The following COL5A2 variants were observed in gnomAD, a reference collection of about 807,000 sequenced individuals.
COL5A2 encodes the protein collagen alpha-2(V) chain.
In COL5A2, 23 loss-of-function variants were observed where a neutral mutation model predicts 208.2. The ratio of observed to expected loss-of-function variants is 0.11; its 90% CI spans 0.08 to 0.16. COL5A2 has a LOEUF of 0.16. Among genes scored for constraint, COL5A2 ranks in the 10% least tolerant of loss-of-function variants. The pLI, the probability that COL5A2 is intolerant of heterozygous loss-of-function variation, is 1.00. For synonymous variants in COL5A2, 625 were observed against 628.5 expected (o/e 0.99, Z 0.08); for missense variants, 1,590 against 1,956.4 (o/e 0.81, Z 3.53).
the COL5A2 span, among the ~76,000 whole-genome samples, chr2:189,362,008 C>T: frequency 9.2e-5 from 14 of 152,010 alleles, no homozygotes; most frequent in African/African-American, 3.4e-4. Context: ...AATAATTTTG[C>T]CTTTTATTCT....
intron 5 of COL5A2, among the ~76,000 whole-genome samples, chr2:189,098,115 A>G (rs1471689353): frequency 6.6e-6 from 1 of 151,894 alleles, no homozygotes; most frequent in Non-Finnish European, 1.5e-5. Flanking sequence ...TGAAGATTAT[A>G]TTGTGTATTT....
chr2:189,071,701 T>A (rs900172446), intron 18 of COL5A2, among the ~76,000 whole-genome samples: 27 of 152,312 alleles, frequency 1.8e-4, no homozygotes, highest in African/African-American at 6.3e-4. Flanking sequence ...TACTTCCAGG[T>A]ACTCTATTCA....
chr2:189,321,233 C>T, the COL5A2 span, among the ~76,000 whole-genome samples: 22 of 152,288 alleles, frequency 1.4e-4, no homozygotes, highest in East Asian at 1.7e-3. Context: ...TAAAGACCAT[C>T]GATGCTAGGA....
At chr2:189,388,860 C>T in the COL5A2 span, among the ~76,000 whole-genome samples, 1 of 152,052 alleles carries the variant, frequency 6.6e-6, no homozygotes, top group Non-Finnish European at 1.5e-5. Flanking sequence ...ATTTTCTAAG[C>T]ACATTTTATG....
At chr2:189,157,981 AG>A (rs1468759183) in intron 1 of COL5A2, among the ~76,000 whole-genome samples, 1 of 151,972 alleles carries the variant, frequency 6.6e-6, no homozygotes, top group Non-Finnish European at 1.5e-5. Flanking sequence ...CAATGAAGGT[AG>A]AGACTGTGTC....
chr2:189,353,782 C>A, the COL5A2 span, among the ~76,000 whole-genome samples: 1 of 151,900 alleles, frequency 6.6e-6, no homozygotes, highest in African/African-American at 2.4e-5. Flanking sequence ...CCGTTTTTTT[C>A]TTTCTATTGC....
chr2:189,048,218 A>C lies in COL5A2; in HGVS notation c.3192T>G (p.Val1064=). 1.9e-6 allele frequency: 3 copies of C among 1,614,030 alleles called. No homozygotes were observed. Among genetic ancestry groups the C allele is most frequent in the Non-Finnish European group, 2.5e-6 (3 of 1,179,926 alleles). The change falls in exon 45 of 54, where the codon GTT becomes GTG. Residue 1064 remains valine, a synonymous_variant. Coordinates refer to ENST00000374866, the MANE Select transcript of COL5A2 (RefSeq NM_000393.5). ...NDGTPGRDGA[V]GERGDRGDPG... ...GTGAAATGGCTCTTACACGTTCTCC[A>C]ACAGCACCATCCCGTCCTGGGGTAC...
In COL5A2 at chr2:189,066,490, T is replaced by G. The variant is rs149305351; in HGVS notation, c.1463A>C (p.His488Pro). The G allele has an allele frequency of 5.6e-6, 9 of 1,614,118 alleles. No individual in the cohort carries two copies. The highest frequency in any genetic ancestry group is 6.8e-6 in the Non-Finnish European group (8 of 1,179,990). The change falls in exon 23 of 54, where the codon CAT becomes CCT. Residue 488 changes from histidine to proline, a missense_variant. By Grantham distance (77) the His-to-Pro change is moderately conservative (BLOSUM62 -2). Coordinates refer to ENST00000374866, the MANE Select transcript of COL5A2 (RefSeq NM_000393.5). ...TGGGCCTATCGGACCCTGAATACCA[T>G]GTGGCCCCTGTTAAAAACAGAAGGA... ...EAGPKGEPGP[H>P]GIQGPIGPPG...
At position 189,036,624 on chromosome 2, in the gene COL5A2, C is replaced by G. The variant is rs767685753; in HGVS notation, c.4105G>C (p.Gly1369Arg). 2 of 1,612,034 alleles carry G rather than the reference C, an allele frequency of 1.2e-6. No individual in the cohort carries two copies. Among genetic ancestry groups the G allele is most frequent in the South Asian group, 1.1e-5 (1 of 90,982 alleles). The change falls in exon 52 of 54, where the codon GGG becomes CGG. Residue 1369 changes from glycine to arginine, a missense_variant. By Grantham distance (125) the Gly-to-Arg change is moderately radical. Coordinates refer to ENST00000374866, the MANE Select transcript of COL5A2 (RefSeq NM_000393.5). ...PVWYGLDMNR[G>R]SQFAYGDHQS... is the part of the protein sequence containing the mutation. ...TAAACATATTAAATTACCTGAGACC[C>G]TCTGTTCATATCAAGACCATACCAA...
intron 51 of COL5A2, among the ~76,000 whole-genome samples, chr2:189,037,534 G>T (rs192748744): frequency 1.3e-5 from 2 of 152,284 alleles, no homozygotes; most frequent in East Asian, 3.9e-4. Context: ...TCCTGTCAAT[G>T]TCATTTCAAA....
At chr2:189,189,363 G>A (rs141938913) in intron 1 of COL5A2, among the ~76,000 whole-genome samples, 1 of 152,206 alleles carries the variant, frequency 6.6e-6, no homozygotes, top group African/African-American at 2.4e-5. Context: ...TAGTATGTAA[G>A]TACTTTAATA....
chr2:189,276,703 T>C, the COL5A2 span, among the ~76,000 whole-genome samples: 7 of 152,210 alleles, frequency 4.6e-5, no homozygotes, highest in Non-Finnish European at 8.8e-5. Flanking sequence ...GGAATATTTC[T>C]ATATTGTTTC....
At chr2:189,153,093 C>G (rs1343499487) in intron 1 of COL5A2, among the ~76,000 whole-genome samples, 1 of 152,094 alleles carries the variant, frequency 6.6e-6, no homozygotes, top group African/African-American at 2.4e-5. Context: ...ATCTGGTTGC[C>G]TATATGATTC....
chr2:189,320,837 G>C, the COL5A2 span, among the ~76,000 whole-genome samples: 1 of 152,146 alleles, frequency 6.6e-6, no homozygotes, highest in Non-Finnish European at 1.5e-5. Flanking sequence ...TACTCCTCGA[G>C]AAGAGCAACT....
chr2:189,244,486 A>T, the COL5A2 span, among the ~76,000 whole-genome samples: 7,866 of 152,236 alleles, frequency 0.052, 256 homozygotes, highest in Admixed American at 0.1. Context: ...GGTCCCAACA[A>T]GTTCCTCATC....
chr2:189,196,661 C>T (rs543943894), intron 1 of COL5A2, among the ~76,000 whole-genome samples: 1 of 152,172 alleles, frequency 6.6e-6, no homozygotes, highest in East Asian at 1.9e-4. Flanking sequence ...CACTTAGCAG[C>T]TTCCTACTTT....
Position 189,060,664 on chromosome 2 carries a change from C to T in COL5A2, c.2085+66G>A, listed in dbSNP as rs931123769. ...TAAAGGAAAGCACAACAGAGCCTCA[C>T]ACATAAAAAGTGATAATTGAGCCAG... On this transcript the variant is annotated intron_variant, in intron 31 of 53. Coordinates refer to ENST00000374866, the MANE Select transcript of COL5A2 (RefSeq NM_000393.5). 20 of 1,332,862 alleles carry T rather than the reference C, an allele frequency of 1.5e-5. No individual in the cohort carries two copies. In the South Asian group the frequency reaches 2.2e-4, roughly 15 times the overall value. The allele number at this position is 1,332,862 out of a possible 1,614,324, so 82.6% of individuals were successfully genotyped here.
At chr2:189,088,897 T>G in intron 7 of COL5A2, 125 bp from the exon 8 acceptor site, 1 of 817,868 alleles carries the variant, frequency 1.2e-6, no homozygotes, top group Admixed American at 2.0e-5. Context: ...TCATTCTAAG[T>G]GCTTGACTTT....
At chr2:189,313,098 GAAGA>G in the COL5A2 span, among the ~76,000 whole-genome samples, 1 of 151,954 alleles carries the variant, frequency 6.6e-6, no homozygotes, top group African/African-American at 2.4e-5. Context: ...AGATCAAGCA[GAAGA>G]AAGAATCTCA....
Sources: gnomAD v4.1 joint callset for allele counts (sites outside exome capture counted in the v4.1 genomes callset) on GRCh38, gnomAD v4.1.1 for gene constraint, MANE v1.5 for transcripts, NCBI Gene and HGNC (gene_info 2026-07-23, HGNC 2026-07-21) for gene names.